TRAK1: variants seen among roughly 807,000 people sequenced by gnomAD.
TRAK1 encodes trafficking kinesin-binding protein 1.
Under a neutral mutation model 92.1 loss-of-function variants are expected in TRAK1, and 33 were observed. That is an observed-to-expected ratio of 0.36 (90% CI 0.27 to 0.48). The LOEUF is 0.48. Ranked by LOEUF, TRAK1 falls within the 20% of genes least tolerant of loss-of-function variation. The pLI is 0.99. For synonymous variants in TRAK1, 521 were observed against 517.3 expected (o/e 1.01, Z -0.10); for missense variants, 1,123 against 1,257.9 (o/e 0.89, Z 1.62).
chr3:42,038,248 T>C lies in TRAK1; in HGVS notation c.-519+24131T>C, dbSNP rs533106819. On this transcript the variant is annotated intron_variant, in intron 1 of 16. Transcript: ENST00000487159. ...TTTAAAATCTTTTAAATTCATCTCT[T>C]TTCTAGGTGCAAGGGTGTTGGGATA... 5.9e-5 allele frequency among the ~76,000 whole-genome samples: 9 copies of C among 152,280 alleles called. No individual in the cohort carries two copies. In the East Asian group the frequency reaches 1.7e-3, roughly 29 times the overall value.
chr3:42,154,847 A>G lies in TRAK1; in HGVS notation c.287-21967A>G, dbSNP rs566831983. Among the ~76,000 whole-genome samples the G allele has an allele frequency of 1.6e-4, 25 of 152,276 alleles. No individual in the cohort carries two copies. The East Asian group carries it at 2.7e-3, about 17-fold the overall frequency. On this transcript the variant is annotated intron_variant, in intron 2 of 15. Coordinates refer to ENST00000327628, the MANE Select transcript of TRAK1 (RefSeq NM_001042646.3). ...TGTGAGTGAGGAACATTGAGCATCA[A>G]TGGGACAGGTGAAGTGGAGAGAAAG...
intron 3 of TRAK1, among the ~76,000 whole-genome samples, chr3:42,180,015 C>G (rs1422644172): frequency 6.6e-6 from 1 of 152,074 alleles, no homozygotes; most frequent in African/African-American, 2.4e-5. Flanking sequence ...GTTGGGATTA[C>G]AGACATAAGC....
chr3:42,163,204 A>G (rs1364110944), intron 2 of TRAK1, among the ~76,000 whole-genome samples: 3 of 152,210 alleles, frequency 2.0e-5, no homozygotes, highest in Admixed American at 2.0e-4. Context: ...GCTCTTAACT[A>G]TGATGCTAGC....
chr3:42,082,900 A>G (rs371099464), upstream of TRAK1, among the ~76,000 whole-genome samples: 4 of 152,196 alleles, frequency 2.6e-5, no homozygotes, highest in South Asian at 2.1e-4. Context: ...GCATCTTTCT[A>G]TGTTGATACA....
At chr3:42,160,512 G>T in intron 2 of TRAK1, 2 of 1,584,806 alleles carry the variant, frequency 1.3e-6, no homozygotes, top group Non-Finnish European at 1.7e-6. Context: ...TCCTTTCCTT[G>T]TTAGTATCTA....
intron 1 of TRAK1, among the ~76,000 whole-genome samples, chr3:42,020,897 T>A (rs2148879733): frequency 6.6e-6 from 1 of 152,298 alleles, no homozygotes; most frequent in East Asian, 1.9e-4. Context: ...ACAGTTATAG[T>A]ATCAAGGGGC....
At chr3:42,167,858 C>T (rs951924239) in intron 2 of TRAK1, among the ~76,000 whole-genome samples, 3 of 152,094 alleles carry the variant, frequency 2.0e-5, no homozygotes, top group African/African-American at 4.8e-5. Flanking sequence ...CCAGCCTGGG[C>T]GTCACAGCCG....
chr3:42,203,976 A>C, intron 13 of TRAK1: 1 of 985,888 alleles, frequency 1.0e-6, no homozygotes, highest in Non-Finnish European at 1.2e-6. Flanking sequence ...TAAAGACCCA[A>C]GACATGACTG....
chr3:42,073,266 CCTGACA>C (rs1211912047), intron 1 of TRAK1, among the ~76,000 whole-genome samples: 2 of 152,156 alleles, frequency 1.3e-5, no homozygotes, highest in Admixed American at 1.3e-4. Context: ...CTTTGGTTAC[CCTGACA>C]CTGCTCCGAC....
chr3:42,081,865 A>G (rs901982267), intron 1 of TRAK1, among the ~76,000 whole-genome samples: 14 of 152,238 alleles, frequency 9.2e-5, no homozygotes, highest in African/African-American at 3.1e-4. Context: ...TGGATGTGCC[A>G]TAATTTATAA....
intron 1 of TRAK1, among the ~76,000 whole-genome samples, chr3:42,017,109 A>G (rs1701555712): frequency 2.0e-5 from 3 of 152,156 alleles, no homozygotes; most frequent in Admixed American, 1.3e-4. Context: ...AAACACAAAA[A>G]AAGTAGCCGG....
chr3:42,198,499 C>T (rs57969938), intron 10 of TRAK1, among the ~76,000 whole-genome samples: 1,900 of 152,252 alleles, frequency 0.012, 25 homozygotes, highest in Middle Eastern at 0.088. Flanking sequence ...GGATAGTTGG[C>T]GGTGAGAGGA....
chr3:42,194,664 C>A, intron 9 of TRAK1, 140 bp from the exon 10 acceptor site: 1 of 939,142 alleles, frequency 1.1e-6, no homozygotes, highest in East Asian at 2.7e-5. Context: ...TGTTATTTGG[C>A]CACAGGCGCA....
chr3:42,091,417 C>T lies in TRAK1; in HGVS notation c.-53C>T. ...TGCGAGGTACTGCCGGGGCTGAGCT[C>T]TCATGGAGGCTCTCTCTGTTCTCTG... On this transcript the variant is annotated 5_prime_UTR_variant, in exon 1 of 16. Coordinates refer to ENST00000327628, the MANE Select transcript of TRAK1 (RefSeq NM_001042646.3). The T allele has an allele frequency of 2.6e-6, 4 of 1,563,518 alleles. No individual in the cohort carries two copies. Among genetic ancestry groups the T allele is most frequent in the Non-Finnish European group, 2.6e-6 (3 of 1,139,774 alleles).
At chr3:42,049,871 C>T (rs4298022) in intron 1 of TRAK1, among the ~76,000 whole-genome samples, 13,123 of 152,172 alleles carry the variant, frequency 0.086, 621 homozygotes, top group Non-Finnish European at 0.11. Context: ...TTCTATGCAT[C>T]GTCTCTGTTT....
At chr3:42,173,111 A>G (rs1222525548) in intron 2 of TRAK1, among the ~76,000 whole-genome samples, 1 of 152,048 alleles carries the variant, frequency 6.6e-6, no homozygotes, top group Non-Finnish European at 1.5e-5. Context: ...GCGCCATGGT[A>G]CTCCAGCCTG....
chr3:42,130,857 G>T (rs1200881383), intron 2 of TRAK1, among the ~76,000 whole-genome samples: 1 of 152,120 alleles, frequency 6.6e-6, no homozygotes, highest in Admixed American at 6.5e-5. Flanking sequence ...CTGAGGTGCG[G>T]GGTGCATTGA....
At position 42,222,858 on chromosome 3, in the gene TRAK1, C is replaced by T. The variant is rs1577080883; in HGVS notation, c.2067-84C>T. The T allele has an allele frequency of 4.0e-6, 6 of 1,482,170 alleles. No individual in the cohort carries two copies. The South Asian group carries it at 5.0e-5, about 12-fold the overall frequency. The allele number at this position is 1,482,170 out of a possible 1,614,324, so 91.8% of individuals were successfully genotyped here. On this transcript the variant is annotated intron_variant, in intron 15 of 15. Coordinates refer to ENST00000327628, the MANE Select transcript of TRAK1 (RefSeq NM_001042646.3). The stretch of plus-strand genomic sequence containing the variant: ...TCATCGTGTCCTGGGTCGTCCCTAC[C>T]CCCCCTGCAGGAAACTGGCCACTGA...
intron 1 of TRAK1, among the ~76,000 whole-genome samples, chr3:42,071,219 A>G (rs1703918086): frequency 6.6e-6 from 1 of 152,234 alleles, no homozygotes; most frequent in Non-Finnish European, 1.5e-5. Context: ...AGGAGGAATC[A>G]CAAACAGAAC....
Sources: gnomAD v4.1 joint callset for allele counts (sites outside exome capture counted in the v4.1 genomes callset) on GRCh38, gnomAD v4.1.1 for gene constraint, MANE v1.5 for transcripts, NCBI Gene and HGNC (gene_info 2026-07-23, HGNC 2026-07-21) for gene names.